Variants in NAALADL2 observed in about 807,000 individuals in gnomAD.
The protein encoded by NAALADL2 is inactive N-acetylated-alpha-linked acidic dipeptidase-like protein 2.
Under a neutral mutation model 87.2 loss-of-function variants are expected in NAALADL2, and 76 were observed. The ratio of observed to expected loss-of-function variants is 0.87; its 90% CI spans 0.72 to 1.05. The LOEUF is 1.05. NAALADL2 is among the 50% of genes least tolerant of loss of function. NAALADL2 has a pLI of 0.00. For missense variants in NAALADL2, 1,089 were observed against 945.8 expected (o/e 1.15, Z -1.99); for synonymous variants, 354 against 331.0 (o/e 1.07, Z -0.75).
chr3:174,893,561 G>A (rs940847870), intron 1 of NAALADL2, among the ~76,000 whole-genome samples: 1 of 152,190 alleles, frequency 6.6e-6, no homozygotes, highest in African/African-American at 2.4e-5. Flanking sequence ...GGTGTTGCAT[G>A]TAATTAACAT....
chr3:175,510,628 C>T (rs1560679197), intron 9 of NAALADL2, among the ~76,000 whole-genome samples: 1 of 152,176 alleles, frequency 6.6e-6, no homozygotes, highest in African/African-American at 2.4e-5. Context: ...ACTTTTGCAA[C>T]AACTCCATAA....
At chr3:175,460,272 C>T (rs111796329) in intron 6 of NAALADL2, 21 of 441,914 alleles carry the variant, frequency 4.8e-5, no homozygotes, top group African/African-American at 2.8e-4. Context: ...AATAAACAGA[C>T]TCTATGCATA....
chr3:175,053,106 G>T (rs774589083), intron 1 of NAALADL2, among the ~76,000 whole-genome samples: 5 of 152,172 alleles, frequency 3.3e-5, no homozygotes, highest in Admixed American at 2.0e-4. Flanking sequence ...TTACAAATAG[G>T]TTTTTGAGGG....
chr3:175,273,605 A>C (rs757762155), intron 4 of NAALADL2, among the ~76,000 whole-genome samples: 91 of 152,124 alleles, frequency 6.0e-4, no homozygotes, highest in Non-Finnish European at 1.1e-3. Context: ...TAAGATAATA[A>C]AAAGGTAAAA....
intron 2 of NAALADL2, among the ~76,000 whole-genome samples, chr3:174,553,139 A>G (rs984620838): frequency 4.6e-5 from 7 of 152,200 alleles, no homozygotes; most frequent in Admixed American, 3.9e-4. Flanking sequence ...TTTATGTTTA[A>G]AAGTAGATGT....
At chr3:174,570,697 A>T (rs1714829408) in intron 2 of NAALADL2, among the ~76,000 whole-genome samples, 1 of 152,166 alleles carries the variant, frequency 6.6e-6, no homozygotes, top group Non-Finnish European at 1.5e-5. Flanking sequence ...CCCATTTGGT[A>T]TGGCATGGCT....
intron 4 of NAALADL2, among the ~76,000 whole-genome samples, chr3:175,301,245 G>A (rs1757050192): frequency 6.6e-6 from 1 of 152,046 alleles, no homozygotes; most frequent in African/African-American, 2.4e-5. Flanking sequence ...TGCTTTAGCT[G>A]TGTCCCAGAG....
Position 175,270,731 on chromosome 3 carries a change from A to T in NAALADL2, c.939+14201A>T, listed in dbSNP as rs186280033. Among the ~76,000 whole-genome samples, 4 of 152,290 alleles carry T rather than the reference A, an allele frequency of 2.6e-5. No individual in the cohort carries two copies. The East Asian group carries it at 7.7e-4, about 29-fold the overall frequency. ...GATAGCCTGGCAAAGGTTGACAGAT[A>T]TGTGGAATACTGTAATGACTTGATG... On this transcript the variant is annotated intron_variant, in intron 4 of 13. Transcript: ENST00000454872.
chr3:175,023,099 G>A (rs565813587), intron 1 of NAALADL2, among the ~76,000 whole-genome samples: 1 of 151,924 alleles, frequency 6.6e-6, no homozygotes, highest in Non-Finnish European at 1.5e-5. Context: ...AGGTTCTTTT[G>A]CATGTCAAAA....
chr3:174,918,384 G>GA (rs1225671847), intron 1 of NAALADL2, among the ~76,000 whole-genome samples: 2 of 152,040 alleles, frequency 1.3e-5, no homozygotes, highest in African/African-American at 2.4e-5. Context: ...GTAAAAAATG[G>GA]AAAAAAACCG....
chr3:175,705,004 G>A (rs912349617), intron 11 of NAALADL2, among the ~76,000 whole-genome samples: 6 of 152,166 alleles, frequency 3.9e-5, no homozygotes, highest in Admixed American at 3.9e-4. Context: ...CCCTACATTT[G>A]AAAAATGAAT....
chr3:174,472,459 G>C (rs1406241684), intron 1 of NAALADL2, among the ~76,000 whole-genome samples: 1 of 152,180 alleles, frequency 6.6e-6, no homozygotes, highest in Admixed American at 6.5e-5. Context: ...ATGTGTGTTG[G>C]TGACAGTGTG....
At chr3:174,905,409 T>C (rs900103909) in intron 1 of NAALADL2, among the ~76,000 whole-genome samples, 5 of 150,676 alleles carry the variant, frequency 3.3e-5, no homozygotes, top group African/African-American at 1.2e-4. Context: ...AAGTTGATCA[T>C]AAGTTTCACA....
chr3:175,552,644 T>C (rs1714613206), intron 9 of NAALADL2, among the ~76,000 whole-genome samples: 1 of 152,158 alleles, frequency 6.6e-6, no homozygotes, highest in Admixed American at 6.5e-5. Flanking sequence ...GGAAGCTGAA[T>C]ATTTAATAAA....
chr3:175,743,163 G>A (rs1489242130), intron 12 of NAALADL2, among the ~76,000 whole-genome samples: 1 of 152,096 alleles, frequency 6.6e-6, no homozygotes, highest in African/African-American at 2.4e-5. Context: ...ACCATGCCCA[G>A]CTAATTTTTG....
At chr3:174,885,233 C>T (rs989165964) in intron 1 of NAALADL2, among the ~76,000 whole-genome samples, 3 of 152,118 alleles carry the variant, frequency 2.0e-5, no homozygotes, top group East Asian at 1.9e-4. Flanking sequence ...CATTGCAGGT[C>T]GGCCACTCGC....
intron 13 of NAALADL2, among the ~76,000 whole-genome samples, chr3:175,759,078 A>G (rs1044726535): frequency 6.6e-6 from 1 of 152,180 alleles, no homozygotes; most frequent in Non-Finnish European, 1.5e-5. Context: ...CTGGAAACAG[A>G]GGATTCAAAA....
chr3:175,232,943 C>G (rs1188624800), intron 2 of NAALADL2, among the ~76,000 whole-genome samples: 1 of 152,018 alleles, frequency 6.6e-6, no homozygotes, highest in Non-Finnish European at 1.5e-5. Flanking sequence ...ATTAAGTTCT[C>G]ATGTCTGATT....
intron 1 of NAALADL2, among the ~76,000 whole-genome samples, chr3:174,882,527 A>G (rs1729359299): frequency 6.6e-6 from 1 of 150,722 alleles, no homozygotes; most frequent in Non-Finnish European, 1.5e-5. Context: ...GTGCATATAC[A>G]CATATATGCA....
Sources: gnomAD v4.1 joint callset for allele counts (sites outside exome capture counted in the v4.1 genomes callset) on GRCh38, gnomAD v4.1.1 for gene constraint, MANE v1.5 for transcripts, NCBI Gene and HGNC (gene_info 2026-07-23, HGNC 2026-07-21) for gene names.